RNF44: variants seen among roughly 807,000 people sequenced by gnomAD.
RNF44 encodes ring finger protein 44.
RNF44 carries 25 observed loss-of-function variants against 53.6 expected under a neutral mutation model. That is an observed-to-expected ratio of 0.47 (90% CI 0.34 to 0.65). The LOEUF is 0.65. Ranked by LOEUF, RNF44 falls within the 30% of genes least tolerant of loss-of-function variation. RNF44 has a pLI of 0.01. For synonymous variants in RNF44, 282 were observed against 252.2 expected (o/e 1.12, Z -1.12); for missense variants, 581 against 595.5 (o/e 0.98, Z 0.25).
chr5:176,542,156 C>T (rs1757462563), upstream of RNF44, among the ~76,000 whole-genome samples: 1 of 152,216 alleles, frequency 6.6e-6, no homozygotes, highest in Non-Finnish European at 1.5e-5. Flanking sequence ...TCCTCTCCTT[C>T]TCAATCTCTC....
chr5:176,531,573 A>G lies in RNF44; in HGVS notation c.355T>C (p.Phe119Leu). 1 of 1,613,544 alleles carries G rather than the reference A, an allele frequency of 6.2e-7. No homozygotes were observed. Among genetic ancestry groups the G allele is most frequent in the South Asian group, 1.1e-5 (1 of 91,006 alleles). The change falls in exon 4 of 11, where the codon TTC becomes CTC. Residue 119 changes from phenylalanine (F) to leucine (L), a missense_variant. By Grantham distance (22) the Phe-to-Leu change is conservative. This residue lies in a region of RNF44 where 387 missense variants were observed against 366.0 expected (regional missense o/e 1.06). Coordinates refer to ENST00000274811, the MANE Select transcript of RNF44 (RefSeq NM_014901.5). This position sits in a 1 kb window ranked among gnomAD's most constrained non-coding sequence, Gnocchi z 4.2. ...YTVTTVTTQG[F>L]PLPTGQHIPG... is the part of the protein sequence containing the mutation. ...ATGTGCTGGCCTGTAGGCAAGGGGA[A>G]GCCTTGGGTCGTCACTGTGGTGACC...
Position 176,532,202 on chromosome 5 carries a change from C to T in RNF44, c.108-9G>A. ...GGCCCTCGAGGCCAGGGCTGCACCA[C>T]AGAGAGGAGGCCCCGATAGGACTGA... is the stretch of plus-strand genomic sequence containing the variant. On this transcript the variant is annotated splice_polypyrimidine_tract_variant and intron_variant, in intron 2 of 10. Coordinates refer to ENST00000274811, the MANE Select transcript of RNF44 (RefSeq NM_014901.5). 1 of 1,506,264 alleles carries T rather than the reference C, an allele frequency of 6.6e-7. No individual in the cohort carries two copies. Among genetic ancestry groups the T allele is most frequent in the African/African-American group, 1.4e-5 (1 of 72,000 alleles). 93.3% of individuals were successfully genotyped at this position (1,506,264 alleles called of 1,614,324 possible).
rs1200295524 is a variant in RNF44, at chr5:176,532,208, G to A, written c.108-15C>T. On this transcript the variant is annotated splice_polypyrimidine_tract_variant and intron_variant, in intron 2 of 10. Transcript: ENST00000274811. ...CGAGGCCAGGGCTGCACCACAGAGA[G>A]GAGGCCCCGATAGGACTGAGGGGGG... The A allele has an allele frequency of 3.3e-6, 5 of 1,500,318 alleles. No individual in the cohort carries two copies. Among genetic ancestry groups the A allele is most frequent in the Non-Finnish European group, 4.4e-6 (5 of 1,125,634 alleles). 92.9% of individuals were successfully genotyped at this position (1,500,318 alleles called of 1,614,324 possible).
upstream of RNF44, among the ~76,000 whole-genome samples, chr5:176,540,596 G>C (rs1010602727): frequency 1.3e-5 from 2 of 152,190 alleles, no homozygotes; most frequent in African/African-American, 4.8e-5. Flanking sequence ...ATCTCCATGT[G>C]ACTGCTGCCC....
chr5:176,535,462 C>G (rs1194427933), intron 1 of RNF44, among the ~76,000 whole-genome samples: 2 of 152,148 alleles, frequency 1.3e-5, no homozygotes, highest in Non-Finnish European at 2.9e-5. Context: ...TTAAGCCCTG[C>G]CAGGAACAGG....
chr5:176,535,338 G>A (rs1757057656), intron 1 of RNF44, among the ~76,000 whole-genome samples: 1 of 152,198 alleles, frequency 6.6e-6, no homozygotes, highest in African/African-American at 2.4e-5. Flanking sequence ...AATACGACAC[G>A]CTGACCTCCA....
chr5:176,530,881 C>G lies in RNF44; in HGVS notation c.606G>C (p.Gln202His). The G allele has an allele frequency of 7.7e-7, 1 of 1,302,734 alleles. No homozygotes were observed. Among genetic ancestry groups the G allele is most frequent in the South Asian group, 2.0e-5 (1 of 49,166 alleles). The allele number at this position is 1,302,734 out of a possible 1,614,324, so 80.7% of individuals were successfully genotyped here. ...GGTGCTGGGTCTGCAGAGACACAAA[C>G]TGCCCCAGGGGCGCCATGTGGGTGG... The part of the protein sequence containing the change: ...PQPTHMAPLG[Q>H]FVSLQTQHPR... Residue 202 changes from glutamine to histidine, a missense_variant, in exon 5 of 11, where the codon CAG (glutamine) becomes CAC (histidine). Physicochemically the swap from Gln to His is conservative, Grantham distance 24. Transcript: ENST00000274811.
At position 176,531,043 on chromosome 5, in the gene RNF44, G is replaced by A; in HGVS notation, c.466-22C>T. ...TAAGCTGCCAAGAGAGGGGGCAGGG[G>A]GCTGAGAACGTTCTCCTGGGCTCTG... is the stretch of plus-strand genomic sequence containing the variant. On this transcript the variant is annotated intron_variant, in intron 4 of 10. Coordinates refer to ENST00000274811, the MANE Select transcript of RNF44 (RefSeq NM_014901.5). The surrounding 1 kb of genome is among the most constrained non-coding windows in gnomAD (Gnocchi z 4.2). 2.1e-6 allele frequency: 3 copies of A among 1,434,948 alleles called. No homozygotes were observed. The highest frequency in any genetic ancestry group is 2.7e-6 in the Non-Finnish European group (3 of 1,095,766). 88.9% of individuals were successfully genotyped at this position (1,434,948 alleles called of 1,614,324 possible).
chr5:176,531,650 C>T lies in RNF44; in HGVS notation c.298-20G>A, dbSNP rs370163583. 7.0e-5 allele frequency: 112 copies of T among 1,589,586 alleles called. No homozygotes were observed. The African/African-American group carries it at 1.2e-3, about 18-fold the overall frequency. ...GTGCACCTGTGGGTGGAGAGAACGC[C>T]GGGAAAGTATGAAAAGGAAGCTGAC... On this transcript the variant is annotated intron_variant, in intron 3 of 10. Transcript: ENST00000274811. The surrounding 1 kb of genome is among the most constrained non-coding windows in gnomAD (Gnocchi z 4.2).
Position 176,528,861 on chromosome 5 carries a change from G to T in RNF44, c.*167C>A. Reference sequence around the variant, plus strand: ...TCTTTGGAGCTTGGCAAATGCAGGGGCTTATTGCAGGGACTCCTCGCTGGG... The same window carrying T: ...TCTTTGGAGCTTGGCAAATGCAGGGTCTTATTGCAGGGACTCCTCGCTGGG... On this transcript the variant is annotated 3_prime_UTR_variant, in exon 11 of 11. Transcript: ENST00000274811. The T allele has an allele frequency of 1.5e-6, 1 of 648,788 alleles. No individual in the cohort carries two copies. The highest frequency in any genetic ancestry group is 2.6e-6 in the Non-Finnish European group (1 of 380,366). 40.2% of individuals were successfully genotyped at this position (648,788 alleles called of 1,614,324 possible). A position where few individuals can be genotyped will look rare whatever the true frequency, so the allele number is the denominator to read the frequency against.
At position 176,532,099 on chromosome 5, in the gene RNF44, C is replaced by A; in HGVS notation, c.202G>T (p.Glu68Ter). The change falls in exon 3 of 11, where the codon GAG (glutamate) becomes TAG (stop). Residue 68 changes from glutamate (E) to a stop codon, truncating the protein, a stop_gained. Transcript: ENST00000274811. LOFTEE classifies it high-confidence loss of function. ...GCAGGAGCCGAGGCTCGGCGCTCCT[C>A]TACGGGGAGGTGTGGAGGTCGGGAC... ...PPSRPPHLPV[E>*]ERRASAPAGG... 6.3e-7 allele frequency: 1 copy of A among 1,598,576 alleles called. No individual in the cohort carries two copies. Among genetic ancestry groups the A allele is most frequent in the Non-Finnish European group, 8.5e-7 (1 of 1,173,698 alleles).
intron 7 of RNF44, 121 bp downstream of exon 7, chr5:176,529,961 G>T (rs750705555): frequency 1.4e-6 from 2 of 1,396,246 alleles, no homozygotes; most frequent in African/African-American, 1.4e-5. Context: ...GTCAGGTTAA[G>T]GGGGGAACGC....
rs374402145 is a variant in RNF44, at chr5:176,532,028, C to T, written c.273G>A (p.Pro91=). Residue 91 remains proline (P), a synonymous_variant, in exon 3 of 11, where the codon CCG becomes CCA. Transcript: ENST00000274811. The part of the protein sequence containing the change: ...RMLHPATQQS[P]FMVDLHEQVH... ...CCTGCTCGTGGAGATCAACCATGAA[C>T]GGGCTCTGCTGGGTGGCTGGGTGCA... 1.6e-5 allele frequency: 26 copies of T among 1,611,102 alleles called. No homozygotes were observed. In the African/African-American group the frequency reaches 1.7e-4, roughly 11 times the overall value.
In RNF44 at chr5:176,531,388, C is replaced by A; in HGVS notation, c.465+75G>T. ...ATAGCTCAGCCCAGTTCAGGGCTGC[C>A]CTGGGCCCGCTGAGCCGCTGGCCTG... On this transcript the variant is annotated intron_variant, in intron 4 of 10. Coordinates refer to ENST00000274811, the MANE Select transcript of RNF44 (RefSeq NM_014901.5). This position sits in a 1 kb window ranked among gnomAD's most constrained non-coding sequence, Gnocchi z 4.2. The A allele has an allele frequency of 6.9e-7, 1 of 1,440,676 alleles. No individual in the cohort carries two copies. Among genetic ancestry groups the A allele is most frequent in the Non-Finnish European group, 9.3e-7 (1 of 1,071,364 alleles). The allele number at this position is 1,440,676 out of a possible 1,614,324, so 89.2% of individuals were successfully genotyped here.
At chr5:176,535,671 T>C (rs922090269) in intron 1 of RNF44, among the ~76,000 whole-genome samples, 1 of 152,146 alleles carries the variant, frequency 6.6e-6, no homozygotes, top group African/African-American at 2.4e-5. Context: ...CTCCAAGCCA[T>C]ACAGGAGGCT....
At chr5:176,538,411 G>A (rs565313363), upstream of RNF44, among the ~76,000 whole-genome samples, 41 of 152,250 alleles carry the variant, frequency 2.7e-4, no homozygotes, top group Non-Finnish European at 3.5e-4. Context: ...GCCGAGCCTC[G>A]TTCTCCTTTG....
chr5:176,527,074 G>A lies in RNF44; in HGVS notation c.*1954C>T, dbSNP rs1447643838. 13 of 152,114 alleles carry A rather than the reference G, an allele frequency of 8.5e-5. No individual in the cohort carries two copies. The highest frequency in any genetic ancestry group is 1.5e-4 in the Non-Finnish European group (10 of 67,984). The allele number at this position is 152,114 out of a possible 1,614,324, so 9.4% of individuals were successfully genotyped here. A position where few individuals can be genotyped will look rare whatever the true frequency, so the allele number is the denominator to read the frequency against. ...ATTACATATATTTCTACATATATAT[G>A]TAATTTTATATATATATAAAACCTT... On this transcript the variant is annotated 3_prime_UTR_variant, in exon 11 of 11. Coordinates refer to ENST00000274811, the MANE Select transcript of RNF44 (RefSeq NM_014901.5).
At chr5:176,529,970 G>A (rs1198377349) in intron 7 of RNF44, 112 bp downstream of exon 7, 11 of 1,403,346 alleles carry the variant, frequency 7.8e-6, no homozygotes, top group Middle Eastern at 2.2e-4. Context: ...AGGGGGGAAC[G>A]CCAGGTGGCT....
chr5:176,540,613 C>T (rs1757425517), upstream of RNF44, among the ~76,000 whole-genome samples: 1 of 152,222 alleles, frequency 6.6e-6, no homozygotes, highest in African/African-American at 2.4e-5. Context: ...GCCCCTGCTC[C>T]CAGCAGGGCC....
Sources: allele counts gnomAD v4.1 joint callset (sites outside exome capture counted in the v4.1 genomes callset), GRCh38; gene constraint gnomAD v4.1.1; regional missense constraint gnomAD v4.1.1; non-coding constraint Gnocchi (gnomAD v3.1); transcripts MANE v1.5; gene names NCBI Gene and HGNC (gene_info 2026-07-23, HGNC 2026-07-21).